NXNL2: variants seen among roughly 807,000 people sequenced by gnomAD.
The protein encoded by NXNL2 is nucleoredoxin-like protein 2.
In NXNL2, 7 loss-of-function variants were observed where a neutral mutation model predicts 11.1. The observed-to-expected ratio is 0.63, with a 90% confidence interval of 0.36 to 1.18. The LOEUF (loss-of-function observed/expected upper bound fraction) is 1.18. Among genes scored for constraint, NXNL2 ranks in the 50% most tolerant of loss-of-function variants. The pLI is 0.02. For synonymous variants in NXNL2, 109 were observed against 101.8 expected (o/e 1.07, Z -0.42); for missense variants, 233 against 217.7 (o/e 1.07, Z -0.44).
At chr9:88,560,815 C>T (rs115059509) in intron 1 of NXNL2, among the ~76,000 whole-genome samples, 2,116 of 152,226 alleles carry the variant, frequency 0.014, 48 homozygotes, top group African/African-American at 0.047. Flanking sequence ...TATAGGTTCT[C>T]ATTTCCAGCA....
intron 1 of NXNL2, among the ~76,000 whole-genome samples, chr9:88,563,902 C>T (rs1564074428): frequency 2.6e-5 from 4 of 152,054 alleles, no homozygotes; most frequent in Admixed American, 6.6e-5. Flanking sequence ...TTCTAGCGTG[C>T]TTGAGTTTCA....
intron 1 of NXNL2, among the ~76,000 whole-genome samples, chr9:88,582,154 G>T (rs1830415036): frequency 6.6e-6 from 1 of 152,224 alleles, no homozygotes; most frequent in South Asian, 2.1e-4. Context: ...ATGGAATTTT[G>T]TTTGGGAAGG....
At chr9:88,578,917 A>C (rs553408454), downstream of NXNL2, among the ~76,000 whole-genome samples, 6 of 152,300 alleles carry the variant, frequency 3.9e-5, no homozygotes, top group South Asian at 1.2e-3. Flanking sequence ...TTGAAGTTGG[A>C]GAAGTAGGCG....
downstream of NXNL2, among the ~76,000 whole-genome samples, chr9:88,548,712 T>TATC (rs1829886529): frequency 6.6e-6 from 1 of 151,578 alleles, no homozygotes; most frequent in Non-Finnish European, 1.5e-5. Flanking sequence ...GGAATTATCT[T>TATC]ATCTGGCTGT....
At chr9:88,567,076 T>A (rs896047996) in intron 1 of NXNL2, among the ~76,000 whole-genome samples, 1 of 152,172 alleles carries the variant, frequency 6.6e-6, no homozygotes, top group Middle Eastern at 3.4e-3. Context: ...AGAGCAGAAA[T>A]TCCATCTGCC....
At chr9:88,563,959 C>T (rs2118505817) in intron 1 of NXNL2, among the ~76,000 whole-genome samples, 1 of 151,954 alleles carries the variant, frequency 6.6e-6, no homozygotes, top group South Asian at 2.1e-4. Context: ...ACCTGTAATC[C>T]TAGCACTTTG....
At position 88,535,789 on chromosome 9, in the gene NXNL2, T is replaced by A. The variant is rs369028460; in HGVS notation, c.302+53T>A. The A allele has an allele frequency of 3.6e-4, 523 of 1,434,710 alleles. 5 individuals carry two copies. In the South Asian group the frequency reaches 6.8e-3, roughly 19 times the overall value. 88.9% of individuals were successfully genotyped at this position (1,434,710 alleles called of 1,614,324 possible). A position where few individuals can be genotyped will look rare whatever the true frequency, so the allele number is the denominator to read the frequency against. Reference sequence around the variant, plus strand: ...GCCGCCCGGCACGTCTCCCCCATGTTCCCCCAGGCCTCCCCCTCTGCACTG... The same window carrying A: ...GCCGCCCGGCACGTCTCCCCCATGTACCCCCAGGCCTCCCCCTCTGCACTG... On this transcript the variant is annotated intron_variant, in intron 1 of 1. Coordinates refer to ENST00000375854, the MANE Select transcript of NXNL2 (RefSeq NM_001161625.2).
intron 1 of NXNL2, among the ~76,000 whole-genome samples, chr9:88,565,264 T>C (rs1363322261): frequency 1.3e-5 from 2 of 152,228 alleles, no homozygotes; most frequent in African/African-American, 4.8e-5. Flanking sequence ...CATCTGTCGA[T>C]GGACATGATG....
chr9:88,582,452 G>C (rs1212541610), intron 1 of NXNL2, among the ~76,000 whole-genome samples: 3 of 152,094 alleles, frequency 2.0e-5, no homozygotes, highest in African/African-American at 7.2e-5. Context: ...CTGGGCGACA[G>C]AGAGAGACTT....
At position 88,544,739 on chromosome 9, in the gene NXNL2, C is replaced by T; in HGVS notation, c.*192C>T. The T allele has an allele frequency of 7.3e-7, 1 of 1,364,556 alleles. No homozygotes were observed. The highest frequency in any genetic ancestry group is 9.4e-7 in the Non-Finnish European group (1 of 1,064,312). 84.5% of individuals were successfully genotyped at this position (1,364,556 alleles called of 1,614,324 possible). On this transcript the variant is annotated 3_prime_UTR_variant, in exon 2 of 2. Coordinates refer to ENST00000375854, the MANE Select transcript of NXNL2 (RefSeq NM_001161625.2). Reference sequence around the variant, plus strand: ...ACACTCCATATTTTGATCATGCAGGCTGTTTGTATTATAGTTATTTTTGTT... The same window carrying T: ...ACACTCCATATTTTGATCATGCAGGTTGTTTGTATTATAGTTATTTTTGTT...
chr9:88,562,704 A>T (rs1830101060), intron 1 of NXNL2, among the ~76,000 whole-genome samples: 1 of 151,898 alleles, frequency 6.6e-6, no homozygotes, highest in South Asian at 2.1e-4. Context: ...GTGAGCTGAG[A>T]TTATGCCACT....
At chr9:88,536,824 T>A (rs1829631752) in intron 1 of NXNL2, among the ~76,000 whole-genome samples, 1 of 152,230 alleles carries the variant, frequency 6.6e-6, no homozygotes, top group Non-Finnish European at 1.5e-5. Context: ...GGGGGTAACC[T>A]GCTTCTGGGA....
intron 1 of NXNL2, among the ~76,000 whole-genome samples, chr9:88,581,498 C>T (rs1830407867): frequency 2.6e-5 from 4 of 151,934 alleles, no homozygotes; most frequent in South Asian, 4.2e-4. Flanking sequence ...AGTGCAATGG[C>T]GTGATCTCAG....
downstream of NXNL2, among the ~76,000 whole-genome samples, chr9:88,578,247 C>T (rs974141065): frequency 6.6e-6 from 1 of 152,160 alleles, no homozygotes; most frequent in Admixed American, 6.5e-5. Context: ...GTTCCCGGAC[C>T]CCAGGTGGGC....
chr9:88,546,446 G>A (rs1412250956), downstream of NXNL2, among the ~76,000 whole-genome samples: 1 of 133,646 alleles, frequency 7.5e-6, no homozygotes, highest in Non-Finnish European at 1.5e-5. Context: ...CTGAGACAGA[G>A]TCTCTGTCTC....
At chr9:88,543,151 G>A (rs1462655077) in intron 1 of NXNL2, among the ~76,000 whole-genome samples, 1 of 152,140 alleles carries the variant, frequency 6.6e-6, no homozygotes, top group East Asian at 1.9e-4. Context: ...AAATGTAAAT[G>A]ATGTAAAATG....
chr9:88,563,285 C>T (rs1243136462), intron 1 of NXNL2, among the ~76,000 whole-genome samples: 1 of 152,206 alleles, frequency 6.6e-6, no homozygotes, highest in Admixed American at 6.5e-5. Flanking sequence ...TGGCGACTTT[C>T]TATTCTAACT....
intron 1 of NXNL2, among the ~76,000 whole-genome samples, chr9:88,553,091 C>T (rs79810784): frequency 0.031 from 4,654 of 152,080 alleles, 231 homozygotes; most frequent in African/African-American, 0.11. Context: ...CAGTGAATGC[C>T]GTAATAATTG....
exon 3 of NXNL2, chr9:88,575,103 C>T (rs1358878896): frequency 1.1e-5 from 11 of 983,058 alleles, no homozygotes; most frequent in East Asian, 1.1e-4. Flanking sequence ...CTGTGAATTA[C>T]GTGAGGGAAA....
Sources: gnomAD v4.1 joint callset for allele counts (sites outside exome capture counted in the v4.1 genomes callset) on GRCh38, gnomAD v4.1.1 for gene constraint, MANE v1.5 for transcripts, NCBI Gene and HGNC (gene_info 2026-07-23, HGNC 2026-07-21) for gene names.